PTPN18: variants seen among roughly 807,000 people sequenced by gnomAD.
PTPN18 encodes protein tyrosine phosphatase non-receptor type 18.
A neutral mutation model predicts 65.4 loss-of-function variants in PTPN18; 65 were observed. That is an observed-to-expected ratio of 0.99 (90% CI 0.81 to 1.22). The LOEUF is 1.22. Among genes scored for constraint, PTPN18 ranks in the 50% most tolerant of loss-of-function variants. The pLI is 0.00. For missense variants in PTPN18, 616 were observed against 646.5 expected, an observed-to-expected ratio of 0.95 and a Z score of 0.51; for synonymous variants, 255 against 267.8, an observed-to-expected ratio of 0.95 and a Z score of 0.47.
intron 12 of PTPN18, among the ~76,000 whole-genome samples, chr2:130,371,745 G>A (rs908145096): frequency 4.6e-5 from 7 of 152,202 alleles, no homozygotes; most frequent in African/African-American, 1.7e-4. Flanking sequence ...AGCCCGGGAG[G>A]TGGAGGTTGC....
chr2:130,373,271 T>C lies in PTPN18; in HGVS notation c.*47T>C. The C allele has an allele frequency of 7.3e-6, 11 of 1,499,660 alleles. No homozygotes were observed. The highest frequency in any genetic ancestry group is 9.0e-6 in the Non-Finnish European group (10 of 1,116,500). The allele number at this position is 1,499,660 out of a possible 1,614,324, so 92.9% of individuals were successfully genotyped here. On this transcript the variant is annotated 3_prime_UTR_variant, in exon 15 of 15. Coordinates refer to ENST00000175756, the MANE Select transcript of PTPN18 (RefSeq NM_014369.4). This position sits in a 1 kb window ranked among gnomAD's most constrained non-coding sequence, Gnocchi z 4.1. ...GTTGCCTCTTGTGAGCTCGGACTGC[T>C]GATGCCCCGGTGCTGCTGAGCGCCG...
At position 130,356,492 on chromosome 2, in the gene PTPN18, G is replaced by A. The variant is rs1305063200; in HGVS notation, c.93+292G>A. The A allele has an allele frequency of 5.7e-6, 3 of 529,178 alleles. No homozygotes were observed. The African/African-American group carries it at 5.9e-5, about 10-fold the overall frequency. 32.8% of individuals were successfully genotyped at this position (529,178 alleles called of 1,614,324 possible). On this transcript the variant is annotated intron_variant, in intron 1 of 14. Transcript: ENST00000175756. ...GCGCTCCCGGAACAACCTGGCTGCG[G>A]GCGGGACAGGTGGGGCGGGCGCCGC...
rs375420437 is a variant in PTPN18 at position 130,359,282 on chromosome 2, C to A, written c.252C>A (p.Ser84Arg). Residue 84 changes from serine to arginine, a missense_variant, in exon 3 of 15, where the codon AGC (serine) becomes AGA (arginine). Physicochemically the swap from Ser to Arg is moderately radical, Grantham distance 110. Around this residue, in one of 3 missense-constraint regions of PTPN18, gnomAD observed 223 missense variants for 210.0 expected, o/e 1.06. Coordinates refer to ENST00000175756, the MANE Select transcript of PTPN18 (RefSeq NM_014369.4). ...ILSLLQEEGHSDYINGNFIRG... is the reference protein window; with the variant it reads ...ILSLLQEEGHRDYINGNFIRG... ...CCCTGCTCCAGGAAGAGGGACACAGCGACTACATTAATGGCAACTTCATCC... is the reference window on the plus strand; with the variant it reads ...CCCTGCTCCAGGAAGAGGGACACAGAGACTACATTAATGGCAACTTCATCC... 23 of 1,614,042 alleles carry A rather than the reference C, an allele frequency of 1.4e-5. No individual in the cohort carries two copies. Among genetic ancestry groups the A allele is most frequent in the Non-Finnish European group, 1.7e-5 (20 of 1,180,040 alleles).
rs140225921 is a variant in PTPN18 at position 130,363,926 on chromosome 2, C to G, written c.414+4280C>G. On this transcript the variant is annotated intron_variant, in intron 5 of 14. Coordinates refer to ENST00000175756, the MANE Select transcript of PTPN18 (RefSeq NM_014369.4). ...ATGTTTGAGGGTCCCCATTTCTTCT[C>G]CCTGATGCTTGTTACTGTCTTTTTT... Among the ~76,000 whole-genome samples, 496 of 151,836 alleles carry G rather than the reference C, an allele frequency of 3.3e-3. 4 individuals carry two copies. The highest frequency in any genetic ancestry group is 5.3e-3 in the Non-Finnish European group (362 of 67,944).
intron 5 of PTPN18, chr2:130,362,086 G>A (rs1680234565): frequency 4.3e-6 from 2 of 467,408 alleles, no homozygotes; most frequent in Non-Finnish European, 8.8e-6. Flanking sequence ...TGCTAGCGCA[G>A]CCTCCCTGAG....
chr2:130,366,088 G>A (rs1680371122), intron 5 of PTPN18, among the ~76,000 whole-genome samples: 1 of 152,192 alleles, frequency 6.6e-6, no homozygotes, highest in Non-Finnish European at 1.5e-5. Context: ...AACATGGCAA[G>A]CATAAATGTT....
chr2:130,366,517 A>G (rs1018580306), intron 5 of PTPN18, among the ~76,000 whole-genome samples: 3 of 152,138 alleles, frequency 2.0e-5, no homozygotes, highest in Non-Finnish European at 4.4e-5. Flanking sequence ...TACTTCATTG[A>G]GAATTTTTGT....
At chr2:130,360,988 C>A (rs781764185) in intron 5 of PTPN18, among the ~76,000 whole-genome samples, 1 of 152,118 alleles carries the variant, frequency 6.6e-6, no homozygotes, top group Admixed American at 6.5e-5. Context: ...CATGCCACCA[C>A]GCCCAACTAA....
At chr2:130,370,417 T>C in intron 8 of PTPN18, 140 bp from the exon 9 acceptor site, 5 of 1,192,528 alleles carry the variant, frequency 4.2e-6, no homozygotes, top group Non-Finnish European at 6.1e-6. Flanking sequence ...GTTTTCCTTG[T>C]TCAGATATAA....
intron 12 of PTPN18, among the ~76,000 whole-genome samples, chr2:130,371,825 CA>C (rs147019367): frequency 1.3e-5 from 2 of 151,974 alleles, no homozygotes; most frequent in South Asian, 4.2e-4. Context: ...AAAAAAACAA[CA>C]AAAAAAATTC....
At position 130,372,857 on chromosome 2, in the gene PTPN18, G is replaced by T. The variant is rs1310601563; in HGVS notation, c.1241-16G>T. On this transcript the variant is annotated splice_polypyrimidine_tract_variant and intron_variant, in intron 13 of 14. Coordinates refer to ENST00000175756, the MANE Select transcript of PTPN18 (RefSeq NM_014369.4). ...GGGCTTCCGGAGCTGACCCGTGGGG[G>T]GTCTGCTGCCCTCAGTTCCTGCTGA... The T allele has an allele frequency of 4.3e-6, 7 of 1,613,888 alleles. No individual in the cohort carries two copies. The highest frequency in any genetic ancestry group is 5.1e-6 in the Non-Finnish European group (6 of 1,179,932).
chr2:130,368,735 C>A (rs930766125), intron 5 of PTPN18, among the ~76,000 whole-genome samples: 2 of 152,220 alleles, frequency 1.3e-5, no homozygotes, highest in Non-Finnish European at 2.9e-5. Flanking sequence ...GAGCCATGGT[C>A]TCTGGCTCAA....
rs138667701 is a variant in PTPN18, at chr2:130,371,739, C to G, written c.1013+452C>G. On this transcript the variant is annotated intron_variant, in intron 12 of 14. Coordinates refer to ENST00000175756, the MANE Select transcript of PTPN18 (RefSeq NM_014369.4). ...CTGAGGCAGGAGAGTCGCTTGAGCC[C>G]GGGAGGTGGAGGTTGCAGTAAGCCG... Among the ~76,000 whole-genome samples, 1,217 of 152,214 alleles carry G rather than the reference C, an allele frequency of 8.0e-3. 34 individuals are homozygous for G. The highest frequency in any genetic ancestry group is 0.059 in the East Asian group (303 of 5,168).
rs1358800116 is a variant in PTPN18, at chr2:130,372,122, C to T, written c.1014-135C>T. 6 of 816,376 alleles carry T rather than the reference C, an allele frequency of 7.3e-6. No homozygotes were observed. The African/African-American group carries it at 9.1e-5, about 12-fold the overall frequency. The allele number at this position is 816,376 out of a possible 1,614,324, so 50.6% of individuals were successfully genotyped here. On this transcript the variant is annotated intron_variant, in intron 12 of 14. Transcript: ENST00000175756. ...GGACACAGAAGCGAGGCCTCCAACC[C>T]AAGGAGCCCTCCCTCCCATCTAGCG...
rs1007794414 is a variant in PTPN18 at position 130,374,058 on chromosome 2, A to T, written c.*834A>T. On this transcript the variant is annotated 3_prime_UTR_variant, in exon 15 of 15. Transcript: ENST00000175756. Reference sequence around the variant, plus strand: ...ACCAGATGGACTGCCAGACAGGCAGACATCAGCCACATGGAATCCTGACAT... The same window carrying T: ...ACCAGATGGACTGCCAGACAGGCAGTCATCAGCCACATGGAATCCTGACAT... The T allele has an allele frequency of 1.3e-5, 2 of 152,930 alleles. No individual in the cohort carries two copies. The highest frequency in any genetic ancestry group is 6.5e-5 in the Admixed American group (1 of 15,408). 9.5% of individuals were successfully genotyped at this position (152,930 alleles called of 1,614,324 possible).
Position 130,372,388 on chromosome 2 carries a change from G to A in PTPN18, c.1145G>A (p.Ser382Asn). 7.3e-7 allele frequency: 1 copy of A among 1,366,074 alleles called. No homozygotes were observed. The highest frequency in any genetic ancestry group is 9.4e-7 in the Non-Finnish European group (1 of 1,065,264). The allele number at this position is 1,366,074 out of a possible 1,614,324, so 84.6% of individuals were successfully genotyped here. Residue 382 changes from serine to asparagine, a missense_variant, in exon 13 of 15, where the codon AGC (serine) becomes AAC (asparagine). By Grantham distance (46) the Ser-to-Asn change is conservative (BLOSUM62 1). Coordinates refer to ENST00000175756, the MANE Select transcript of PTPN18 (RefSeq NM_014369.4). ...ACGGGGACGGGGACGGGGGCGCGCA[G>A]CGCGGAGGAGGCGCCGCTCTACAGC... ...TGTGTGTGAR[S>N]AEEAPLYSKV... is the part of the protein sequence containing the mutation.
chr2:130,372,647 A>G (rs1325092194), intron 13 of PTPN18, 164 bp downstream of exon 13: 2 of 1,065,096 alleles, frequency 1.9e-6, no homozygotes, highest in Non-Finnish European at 2.6e-6. Context: ...ACGCCCCGGA[A>G]GCGCCCCCTG....
At chr2:130,367,680 T>C (rs7582726) in intron 5 of PTPN18, among the ~76,000 whole-genome samples, 15 of 151,430 alleles carry the variant, frequency 9.9e-5, no homozygotes, top group Non-Finnish European at 2.9e-5. Context: ...CAAAAAAAAA[T>C]TTTTTTTTCT....
At chr2:130,361,080 A>G (rs1382059060) in intron 5 of PTPN18, among the ~76,000 whole-genome samples, 1 of 152,216 alleles carries the variant, frequency 6.6e-6, no homozygotes, top group Non-Finnish European at 1.5e-5. Flanking sequence ...TGTAAATACC[A>G]ATTAGGTCAA....
Sources: allele counts gnomAD v4.1 joint callset (sites outside exome capture counted in the v4.1 genomes callset), GRCh38; gene constraint gnomAD v4.1.1; regional missense constraint gnomAD v4.1.1; non-coding constraint Gnocchi (gnomAD v3.1); transcripts MANE v1.5; gene names NCBI Gene and HGNC (gene_info 2026-07-23, HGNC 2026-07-21).